NHS: variants seen among roughly 807,000 people sequenced by gnomAD.
NHS encodes actin remodeling regulator NHS.
A neutral mutation model predicts 72.5 loss-of-function variants in NHS; 5 were observed. The observed-to-expected ratio is 0.07, with a 90% CI of 0.04 to 0.14. NHS has a LOEUF of 0.14. Among genes scored for constraint, NHS ranks in the 10% least tolerant of loss-of-function variants. The pLI is 1.00. For synonymous variants in NHS, 464 were observed against 547.7 expected (o/e 0.85, Z 2.13); for missense variants, 1,072 against 1,355.7 (o/e 0.79, Z 3.29).
chrX:17,612,550 A>G (rs1459266498), intron 1 of NHS, among the ~76,000 whole-genome samples: 1 of 111,289 alleles, frequency 9.0e-6, no homozygotes, highest in Non-Finnish European at 1.9e-5. Context: ...GCCACATCCC[A>G]TGCAAAGCAC....
chrX:17,551,951 C>A (rs765132313), intron 1 of NHS, among the ~76,000 whole-genome samples: 54 of 112,081 alleles, frequency 4.8e-4, no homozygotes, highest in African/African-American at 1.7e-3. Flanking sequence ...AGAGTATCTG[C>A]TCTGTGCCAG....
chrX:17,439,256 G>C (rs2064740187), intron 1 of NHS, among the ~76,000 whole-genome samples: 1 of 111,075 alleles, frequency 9.0e-6, no homozygotes, highest in African/African-American at 3.3e-5. Context: ...CAAGACTTCT[G>C]TTCCATGGAG....
chrX:17,546,812 T>C (rs1021056935), intron 1 of NHS, among the ~76,000 whole-genome samples: 6 of 112,495 alleles, frequency 5.3e-5, no homozygotes, highest in Non-Finnish European at 9.4e-5. Flanking sequence ...GCTTTTCTCA[T>C]TGAAGAAAAA....
intron 3 of NHS, among the ~76,000 whole-genome samples, chrX:17,715,299 T>C (rs2066358329): frequency 8.9e-6 from 1 of 112,584 alleles, no homozygotes. Flanking sequence ...ATTCCTGAGT[T>C]ACTTCACTTA....
At chrX:17,711,696 C>G (rs1162610072) in intron 3 of NHS, among the ~76,000 whole-genome samples, 2 of 111,785 alleles carry the variant, frequency 1.8e-5, no homozygotes, top group Non-Finnish European at 3.8e-5. Context: ...ACACCCCAAA[C>G]ATCTACCAAC....
chrX:17,677,838 C>T (rs1389813285), intron 1 of NHS, among the ~76,000 whole-genome samples: 2 of 111,729 alleles, frequency 1.8e-5, no homozygotes, highest in Non-Finnish European at 3.8e-5. Flanking sequence ...GACAGGGTCT[C>T]ACCCTGCCAC....
At chrX:17,572,278 C>A (rs939502216) in intron 1 of NHS, among the ~76,000 whole-genome samples, 2 of 109,871 alleles carry the variant, frequency 1.8e-5, no homozygotes, top group African/African-American at 6.7e-5. Context: ...TTAAAGTCTC[C>A]CATTATTATT....
chrX:17,639,982 G>A (rs1358456785), intron 1 of NHS, among the ~76,000 whole-genome samples: 1 of 111,815 alleles, frequency 8.9e-6, no homozygotes, highest in African/African-American at 3.3e-5. Context: ...TCAAGTTTTC[G>A]GTAAGTTTTT....
chrX:17,669,831 C>T (rs1349783808), intron 1 of NHS, among the ~76,000 whole-genome samples: 2 of 112,191 alleles, frequency 1.8e-5, no homozygotes, highest in Non-Finnish European at 3.8e-5. Context: ...CAAGTAAACA[C>T]AACCCACCCC....
In NHS at chrX:17,673,178, AC is replaced by A. The variant is rs1569305784; in HGVS notation, c.566-14563del. Among the ~76,000 whole-genome samples, 9 of 6,570 alleles carry A rather than the reference AC, an allele frequency of 1.4e-3. No individual in the cohort carries two copies. In the East Asian group the frequency reaches 0.057, roughly 41 times the overall value. The allele number at this position is 6,570 out of a possible 115,157, so 5.7% of individuals were successfully genotyped here. A position where few individuals can be genotyped will look rare whatever the true frequency, so the allele number is the denominator to read the frequency against. On this transcript the variant is annotated intron_variant, in intron 1 of 8. Coordinates refer to ENST00000676302, the MANE Select transcript of NHS (RefSeq NM_001291867.2). Reference sequence around the variant, plus strand: ...GACCATTGCTTAGCTGGAAGATGAAACACACACACACACACACACACACACA... The same window carrying A: ...GACCATTGCTTAGCTGGAAGATGAAAACACACACACACACACACACACACA...
chrX:17,416,103 G>A (rs1482862251), intron 1 of NHS, among the ~76,000 whole-genome samples: 2 of 111,495 alleles, frequency 1.8e-5, no homozygotes, highest in African/African-American at 6.5e-5. Flanking sequence ...GAGGGCTTGT[G>A]CATGGGTGGA....
chrX:17,384,570 T>C (rs976126778), intron 1 of NHS, among the ~76,000 whole-genome samples: 2 of 112,324 alleles, frequency 1.8e-5, no homozygotes, highest in Non-Finnish European at 1.9e-5. Flanking sequence ...ATTTCTTTCT[T>C]CCTGTGTGTG....
chrX:17,453,184 A>G (rs959514578), intron 1 of NHS, among the ~76,000 whole-genome samples: 4 of 110,756 alleles, frequency 3.6e-5, no homozygotes, highest in Admixed American at 9.6e-5. Flanking sequence ...TCTCATTGAT[A>G]TAGGTAGCTC....
In NHS at chrX:17,499,326, A is replaced by T. The variant is rs758671076; in HGVS notation, c.565+123004A>T. On this transcript the variant is annotated intron_variant, in intron 1 of 8. Coordinates refer to ENST00000676302, the MANE Select transcript of NHS (RefSeq NM_001291867.2). ...GTCTTCCTCCCTGCATCACTTGCTG[A>T]CACAGGGTTGCCTGCCATTTCCCAG... 4.5e-5 allele frequency among the ~76,000 whole-genome samples: 5 copies of T among 111,184 alleles called. 1 individual carries two copies. In the South Asian group the frequency reaches 1.9e-3, roughly 43 times the overall value.
intron 1 of NHS, among the ~76,000 whole-genome samples, chrX:17,568,031 T>C (rs1404116309): frequency 2.7e-5 from 3 of 111,632 alleles, no homozygotes; most frequent in Non-Finnish European, 5.7e-5. Flanking sequence ...CTGAAATATA[T>C]TGGAGACTTG....
chrX:17,642,210 T>C (rs1362953350), intron 1 of NHS, among the ~76,000 whole-genome samples: 1 of 112,324 alleles, frequency 8.9e-6, no homozygotes, highest in East Asian at 2.8e-4. Context: ...CTTCCCAAAG[T>C]GCTGGGATTA....
Position 17,490,166 on chromosome X carries a change from T to C in NHS, c.565+113844T>C, listed in dbSNP as rs1439381031. Among the ~76,000 whole-genome samples, 33 of 111,902 alleles carry C rather than the reference T, an allele frequency of 2.9e-4. 1 individual carries two copies. The highest frequency in any genetic ancestry group is 4.6e-3 in the Middle Eastern group (1 of 216). ...TGTCAATTTTGGCTTTTGTTGCCAT[T>C]GCTTTTGGTGTTTTAGTCATAAAGT... On this transcript the variant is annotated intron_variant, in intron 1 of 8. Coordinates refer to ENST00000676302, the MANE Select transcript of NHS (RefSeq NM_001291867.2).
At chrX:17,495,927 G>A (rs2065010340) in intron 1 of NHS, among the ~76,000 whole-genome samples, 1 of 111,624 alleles carries the variant, frequency 9.0e-6, no homozygotes, top group South Asian at 3.8e-4. Flanking sequence ...AGGGACATAG[G>A]GAAGGGGCCA....
chrX:17,598,955 C>T (rs1186742637), intron 1 of NHS, among the ~76,000 whole-genome samples: 2 of 111,542 alleles, frequency 1.8e-5, no homozygotes, highest in African/African-American at 6.5e-5. Flanking sequence ...ATTTTTCCTT[C>T]ATTGATTAGT....
Sources: allele counts gnomAD v4.1 joint callset (sites outside exome capture counted in the v4.1 genomes callset), GRCh38; gene constraint gnomAD v4.1.1; transcripts MANE v1.5; gene names NCBI Gene and HGNC (gene_info 2026-07-23, HGNC 2026-07-21).